KLF12: variants seen among roughly 807,000 people sequenced by gnomAD.
The protein encoded by KLF12 is Krueppel-like factor 12.
In KLF12, 9 loss-of-function variants were observed where a neutral mutation model predicts 37.8. The ratio of observed to expected loss-of-function variants is 0.24; its 90% CI spans 0.14 to 0.42. The LOEUF is 0.42. Among genes scored for constraint, KLF12 ranks in the 10% least tolerant of loss-of-function variants. KLF12 has a pLI of 1.00. For missense variants in KLF12, 411 were observed against 516.0 expected (o/e 0.80, Z 1.97); for synonymous variants, 208 against 202.1 (o/e 1.03, Z -0.25).
At chr13:74,200,841 G>T in the KLF12 span, among the ~76,000 whole-genome samples, 3 of 152,004 alleles carry the variant, frequency 2.0e-5, no homozygotes, top group Non-Finnish European at 4.4e-5. Context: ...GGTATTTGGC[G>T]TATTAGTATT....
intron 6 of KLF12, among the ~76,000 whole-genome samples, chr13:73,747,631 G>A (rs1360247675): frequency 6.6e-6 from 1 of 152,086 alleles, no homozygotes; most frequent in Non-Finnish European, 1.5e-5. Context: ...CTTATTTATT[G>A]CGTTTGGTAA....
intron 1 of KLF12, among the ~76,000 whole-genome samples, chr13:74,123,491 G>C (rs1488844148): frequency 6.6e-6 from 1 of 152,182 alleles, no homozygotes; most frequent in East Asian, 1.9e-4. Context: ...GTAGGACAAA[G>C]CCCATGTTTT....
At chr13:73,839,558 T>C (rs575142852) in intron 4 of KLF12, among the ~76,000 whole-genome samples, 1 of 152,218 alleles carries the variant, frequency 6.6e-6, no homozygotes, top group South Asian at 2.1e-4. Context: ...GAAAAAATGT[T>C]GATCTTATAA....
the KLF12 span, among the ~76,000 whole-genome samples, chr13:74,274,562 A>G: frequency 1.3e-5 from 2 of 152,024 alleles, no homozygotes; most frequent in Non-Finnish European, 2.9e-5. Flanking sequence ...TTACTTATTT[A>G]TGTATCTGGT....
At chr13:73,883,734 GAAC>G (rs1887088407) in intron 3 of KLF12, among the ~76,000 whole-genome samples, 1 of 152,146 alleles carries the variant, frequency 6.6e-6, no homozygotes, top group Non-Finnish European at 1.5e-5. Context: ...TAACTGTAAA[GAAC>G]AACATGACAA....
At chr13:74,233,290 C>T in the KLF12 span, among the ~76,000 whole-genome samples, 1 of 152,200 alleles carries the variant, frequency 6.6e-6, no homozygotes, top group Non-Finnish European at 1.5e-5. Flanking sequence ...TCTTCAGGGC[C>T]CTTCTGATCA....
the KLF12 span, among the ~76,000 whole-genome samples, chr13:74,143,713 T>A: frequency 6.6e-6 from 1 of 152,182 alleles, no homozygotes; most frequent in East Asian, 1.9e-4. Flanking sequence ...AACCTACAAT[T>A]TTTTTACTTT....
the KLF12 span, among the ~76,000 whole-genome samples, chr13:74,146,516 G>T: frequency 3.3e-5 from 5 of 151,980 alleles, no homozygotes; most frequent in Admixed American, 3.3e-4. Flanking sequence ...TAGGGATATT[G>T]GTTTTTAAAA....
the KLF12 span, among the ~76,000 whole-genome samples, chr13:74,217,287 C>A: frequency 1.3e-5 from 2 of 150,808 alleles, no homozygotes; most frequent in East Asian, 3.9e-4. Flanking sequence ...TTGTGTACCT[C>A]ATTCATTGTG....
chr13:74,115,254 A>G (rs2138948749), intron 1 of KLF12, among the ~76,000 whole-genome samples: 1 of 152,292 alleles, frequency 6.6e-6, no homozygotes, highest in African/African-American at 2.4e-5. Flanking sequence ...ATAACCACTA[A>G]CATTTCACAT....
chr13:73,803,912 G>A (rs74098408), intron 5 of KLF12, among the ~76,000 whole-genome samples: 44 of 152,226 alleles, frequency 2.9e-4, no homozygotes, highest in African/African-American at 1.0e-3. Context: ...ACACTTTGGG[G>A]TGTACAGTCC....
chr13:73,780,722 A>G (rs1018431616), intron 5 of KLF12, among the ~76,000 whole-genome samples: 2 of 152,182 alleles, frequency 1.3e-5, no homozygotes, highest in Admixed American at 6.5e-5. Flanking sequence ...TCGGCCTCCC[A>G]AAGTGCTGGG....
the KLF12 span, among the ~76,000 whole-genome samples, chr13:74,226,874 A>G: frequency 6.6e-6 from 1 of 152,104 alleles, no homozygotes; most frequent in Non-Finnish European, 1.5e-5. Flanking sequence ...ACTAGTAGGG[A>G]TTGAGAAACC....
chr13:73,811,375 CCATT>C, intron 5 of KLF12, among the ~76,000 whole-genome samples: 1 of 152,162 alleles, frequency 6.6e-6, no homozygotes, highest in South Asian at 2.1e-4. Flanking sequence ...TGTCTTGTTA[CCATT>C]TATTATGTGA....
the KLF12 span, among the ~76,000 whole-genome samples, chr13:74,218,711 C>T: frequency 6.6e-6 from 1 of 152,166 alleles, no homozygotes; most frequent in East Asian, 1.9e-4. Flanking sequence ...TCATTAACAC[C>T]ATGGCCTAAC....
At chr13:73,869,650 T>A (rs1008498886) in intron 3 of KLF12, among the ~76,000 whole-genome samples, 22 of 151,922 alleles carry the variant, frequency 1.4e-4, no homozygotes, top group African/African-American at 5.3e-4. Context: ...ATATGCTGAG[T>A]ATATATAATA....
At chr13:73,920,431 A>C (rs1889059329) in intron 3 of KLF12, among the ~76,000 whole-genome samples, 1 of 152,174 alleles carries the variant, frequency 6.6e-6, no homozygotes, top group Non-Finnish European at 1.5e-5. Flanking sequence ...TATTTAAAAA[A>C]TGATTTAACT....
chr13:74,053,006 CAT>C (rs1593860304), intron 1 of KLF12, among the ~76,000 whole-genome samples: 1 of 152,174 alleles, frequency 6.6e-6, no homozygotes, highest in African/African-American at 2.4e-5. Flanking sequence ...TAAGAATGCA[CAT>C]GTGTACTTAT....
chr13:74,174,045 T>A, the KLF12 span, among the ~76,000 whole-genome samples: 2 of 152,192 alleles, frequency 1.3e-5, no homozygotes, highest in South Asian at 2.1e-4. Flanking sequence ...AGTCTGAGAA[T>A]TCCTGACTCC....
Sources: allele counts gnomAD v4.1 joint callset (sites outside exome capture counted in the v4.1 genomes callset), GRCh38; gene constraint gnomAD v4.1.1; transcripts MANE v1.5; gene names NCBI Gene and HGNC (gene_info 2026-07-23, HGNC 2026-07-21).